The following CFAP210 variants were observed in gnomAD, a reference collection of about 807,000 sequenced individuals.
The protein encoded by CFAP210 is cilia- and flagella- associated protein 210.
the CFAP210 span, among the ~76,000 whole-genome samples, chr2:169,671,882 A>G: frequency 3.3e-5 from 5 of 152,242 alleles, no homozygotes; most frequent in Non-Finnish European, 7.3e-5. Context: ...GAATGAAGGA[A>G]TATCCTAATG....
At chr2:169,682,345 G>A in the CFAP210 span, among the ~76,000 whole-genome samples, 2 of 152,242 alleles carry the variant, frequency 1.3e-5, no homozygotes, top group African/African-American at 4.8e-5. Context: ...GTTCCAGTGA[G>A]GGCCCATGGC....
the CFAP210 span, chr2:169,658,368 TGGCAGTTTTGCCATGTA>T: frequency 1.3e-5 from 2 of 152,518 alleles, no homozygotes; most frequent in African/African-American, 2.4e-5. Flanking sequence ...ATAGCAGAAT[TGGCAGTTTTGCCATGTA>T]GGAGAAGCAA....
the CFAP210 span, chr2:169,681,325 G>T: frequency 1.1e-6 from 1 of 935,120 alleles, no homozygotes. Context: ...ATGATAACTG[G>T]AAATTATTTC....
At chr2:169,671,838 A>G in the CFAP210 span, among the ~76,000 whole-genome samples, 2 of 152,244 alleles carry the variant, frequency 1.3e-5, no homozygotes, top group African/African-American at 2.4e-5. Context: ...AGTGCCTGGC[A>G]AAAGGAGGTT....
chr2:169,674,534 G>C, the CFAP210 span: 1 of 1,460,768 alleles, frequency 6.8e-7, no homozygotes, highest in Non-Finnish European at 9.1e-7. Context: ...TCCATTATGA[G>C]AAAACGAGAA....
the CFAP210 span, chr2:169,649,178 T>C: frequency 4.4e-6 from 7 of 1,597,962 alleles, no homozygotes; most frequent in South Asian, 6.8e-5. Context: ...TCAGGAGTAA[T>C]TACCATTTGC....
the CFAP210 span, among the ~76,000 whole-genome samples, chr2:169,672,702 G>A: frequency 2.0e-5 from 3 of 152,172 alleles, no homozygotes; most frequent in Non-Finnish European, 2.9e-5. Context: ...TACCTGCTTT[G>A]TTCTAGCTGT....
the CFAP210 span, among the ~76,000 whole-genome samples, chr2:169,679,766 A>G: frequency 2.0e-5 from 3 of 151,396 alleles, no homozygotes; most frequent in Non-Finnish European, 2.9e-5. Context: ...CCTCCCACCT[A>G]TAAGTGAGAA....
the CFAP210 span, among the ~76,000 whole-genome samples, chr2:169,649,505 G>C: frequency 1.3e-5 from 2 of 152,160 alleles, no homozygotes; most frequent in African/African-American, 4.8e-5. Flanking sequence ...CATGCGGCCA[G>C]TTTACTTTGG....
chr2:169,684,159 G>A, the CFAP210 span, among the ~76,000 whole-genome samples: 2 of 152,096 alleles, frequency 1.3e-5, no homozygotes, highest in Admixed American at 1.3e-4. Flanking sequence ...GGACATGAAA[G>A]ACAGAGACAG....
chr2:169,681,079 T>C, the CFAP210 span: 3 of 1,613,856 alleles, frequency 1.9e-6, no homozygotes, highest in African/African-American at 2.7e-5. Context: ...CCTTTCTTTC[T>C]GCACGGAGGC....
the CFAP210 span, chr2:169,662,486 A>G: frequency 2.8e-6 from 4 of 1,453,518 alleles, no homozygotes; most frequent in Non-Finnish European, 3.7e-6. Context: ...AAAATAGGTT[A>G]TATTTTTAAG....
At chr2:169,694,375 C>CG in the CFAP210 span, 1 of 1,584,888 alleles carries the variant, frequency 6.3e-7, no homozygotes, top group Non-Finnish European at 8.6e-7. Flanking sequence ...GCGCCGCGGA[C>CG]GCCAGCCGGT....
the CFAP210 span, among the ~76,000 whole-genome samples, chr2:169,653,064 AT>A: frequency 1.0e-5 from 1 of 96,240 alleles, no homozygotes. Flanking sequence ...ATATATATAT[AT>A]ATGTATGTGT....
At chr2:169,650,838 C>T in the CFAP210 span, among the ~76,000 whole-genome samples, 1 of 150,666 alleles carries the variant, frequency 6.6e-6, no homozygotes, top group African/African-American at 2.4e-5. Flanking sequence ...GTAGCTCATG[C>T]CTGTAATCCC....
the CFAP210 span, among the ~76,000 whole-genome samples, chr2:169,656,314 G>GGAA: frequency 2.6e-4 from 39 of 150,690 alleles, no homozygotes; most frequent in African/African-American, 5.6e-4. Flanking sequence ...AGGAAGAAGA[G>GGAA]GAAGAAGAAG....
chr2:169,662,328 T>C, the CFAP210 span: 30 of 1,604,626 alleles, frequency 1.9e-5, no homozygotes, highest in Non-Finnish European at 2.5e-5. Context: ...TCTTTTCTAG[T>C]TTTTTTCTCA....
chr2:169,652,150 C>T, the CFAP210 span, among the ~76,000 whole-genome samples: 4 of 152,008 alleles, frequency 2.6e-5, no homozygotes, highest in African/African-American at 9.7e-5. Flanking sequence ...ATTGGCAAAG[C>T]AGCATGTGAG....
At chr2:169,681,314 CATG>C in the CFAP210 span, 393 of 1,017,746 alleles carry the variant, frequency 3.9e-4, 1 homozygote, top group East Asian at 5.4e-3. Flanking sequence ...CCGATATTGG[CATG>C]ATAACTGGAA....
Sources: allele counts gnomAD v4.1 joint callset (sites outside exome capture counted in the v4.1 genomes callset), GRCh38; gene constraint gnomAD v4.1.1; transcripts MANE v1.5; gene names NCBI Gene and HGNC (gene_info 2026-07-23, HGNC 2026-07-21).